ARHGAP25: variants seen among roughly 807,000 people sequenced by gnomAD.
ARHGAP25 encodes rho GTPase-activating protein 25.
In ARHGAP25, 34 loss-of-function variants were observed where a neutral mutation model predicts 71.0. The ratio of observed to expected loss-of-function variants is 0.48; its 90% CI spans 0.36 to 0.64. The LOEUF is 0.64. Ranked by LOEUF, ARHGAP25 falls within the 30% of genes least tolerant of loss-of-function variation. The pLI is 0.00. For synonymous variants in ARHGAP25, 282 were observed against 296.5 expected (o/e 0.95, Z 0.50); for missense variants, 706 against 805.1 (o/e 0.88, Z 1.49).
rs983617794 is a variant in ARHGAP25, at chr2:68,823,702, G to A, written c.1733+830G>A. 5.3e-5 allele frequency among the ~76,000 whole-genome samples: 8 copies of A among 152,148 alleles called. No individual in the cohort carries two copies. In the East Asian group the frequency reaches 7.7e-4, roughly 15 times the overall value. On this transcript the variant is annotated intron_variant, in intron 10 of 10. Transcript: ENST00000409202. ...CTGCAAAGCCTGAGTAAGAAGCTTCGGGGTGGTTTCAACCTGGTTTATGCT... is the reference window on the plus strand; with the variant it reads ...CTGCAAAGCCTGAGTAAGAAGCTTCAGGGTGGTTTCAACCTGGTTTATGCT...
In ARHGAP25 at chr2:68,826,062, G is replaced by GTCT. The variant is rs746684195; in HGVS notation, c.1810_1812dup (p.Ser604dup). ...AAGAACTGGAGAAGGAAAAGAAGAA[G>GTCT]TCTGCAGCCCTAGAGATCAGCCTCC... On this transcript the variant is annotated inframe_insertion, in exon 11 of 11. Coordinates refer to ENST00000409202, the MANE Select transcript of ARHGAP25 (RefSeq NM_001007231.3). The GTCT allele has an allele frequency of 1.3e-5, 21 of 1,614,004 alleles. No homozygotes were observed. The highest frequency in any genetic ancestry group is 1.8e-5 in the Non-Finnish European group (21 of 1,180,026).
At chr2:68,730,055 G>C (rs1469303067), upstream of ARHGAP25, among the ~76,000 whole-genome samples, 1 of 152,176 alleles carries the variant, frequency 6.6e-6, no homozygotes, top group African/African-American at 2.4e-5. Context: ...ATGATGTTTT[G>C]GAAAAATGCT....
Position 68,816,377 on chromosome 2 carries a change from G to A in ARHGAP25, c.881+15G>A, listed in dbSNP as rs1405799855. 3.1e-6 allele frequency: 5 copies of A among 1,600,892 alleles called. No homozygotes were observed. The highest frequency in any genetic ancestry group is 1.7e-5 in the Admixed American group (1 of 59,996). ...TACATCTGCAGGTGAGAGGCCCCTG[G>A]TATCAACTCTGCAGTTTTCAACCCC... On this transcript the variant is annotated intron_variant, in intron 7 of 10. Coordinates refer to ENST00000409202, the MANE Select transcript of ARHGAP25 (RefSeq NM_001007231.3).
At chr2:68,729,905 G>A (rs1038699458), upstream of ARHGAP25, among the ~76,000 whole-genome samples, 3 of 152,174 alleles carry the variant, frequency 2.0e-5, no homozygotes, top group African/African-American at 7.2e-5. Context: ...CCCCTGAGGG[G>A]GGAAAAGGAC....
chr2:68,739,312 A>G (rs1370906207), intron 1 of ARHGAP25, among the ~76,000 whole-genome samples: 6 of 152,230 alleles, frequency 3.9e-5, no homozygotes, highest in Non-Finnish European at 7.3e-5. Flanking sequence ...AAGATGCCCA[A>G]TGGCCCTGGC....
At chr2:68,721,688 T>C (rs1371666402) in intron 2 of ARHGAP25, among the ~76,000 whole-genome samples, 2 of 152,232 alleles carry the variant, frequency 1.3e-5, no homozygotes, top group African/African-American at 4.8e-5. Flanking sequence ...CTGCTGAGCA[T>C]CTCGTGATTT....
intron 1 of ARHGAP25, among the ~76,000 whole-genome samples, chr2:68,763,534 C>G (rs1032767103): frequency 6.6e-6 from 1 of 152,142 alleles, no homozygotes; most frequent in Admixed American, 6.5e-5. Flanking sequence ...TTCTTTATAA[C>G]TAACATTTAA....
chr2:68,790,642 C>A (rs1360989997), intron 4 of ARHGAP25, among the ~76,000 whole-genome samples: 3 of 152,172 alleles, frequency 2.0e-5, no homozygotes, highest in African/African-American at 4.8e-5. Flanking sequence ...GAGCCTGCCC[C>A]CTTCCCACCA....
chr2:68,807,556 A>G (rs1680465156), intron 5 of ARHGAP25, 76 bp downstream of exon 5: 1 of 1,445,924 alleles, frequency 6.9e-7, no homozygotes. Flanking sequence ...TCTCCATTCC[A>G]GTTGAGCTAT....
intron 1 of ARHGAP25, among the ~76,000 whole-genome samples, chr2:68,745,274 C>T (rs187293891): frequency 1.6e-4 from 25 of 152,232 alleles, no homozygotes; most frequent in Non-Finnish European, 2.9e-4. Context: ...AACCATGTCA[C>T]CTCCTACAAT....
At chr2:68,804,504 T>A (rs544620526) in intron 4 of ARHGAP25, among the ~76,000 whole-genome samples, 1 of 152,386 alleles carries the variant, frequency 6.6e-6, no homozygotes, top group South Asian at 2.1e-4. Context: ...AATAGAAACC[T>A]AATTCCATAT....
chr2:68,734,895 C>T lies in ARHGAP25; in HGVS notation c.-305C>T. ...CTTCCCATGACGCAGAGGGAAGTGT[C>T]AACTGGGATATTTCTGGTAAAACTG... On this transcript the variant is annotated 5_prime_UTR_variant, in exon 1 of 11. Coordinates refer to ENST00000409202, the MANE Select transcript of ARHGAP25 (RefSeq NM_001007231.3). 1 of 422,188 alleles carries T rather than the reference C, an allele frequency of 2.4e-6. No homozygotes were observed. The highest frequency in any genetic ancestry group is 4.1e-5 in the East Asian group (1 of 24,160). 26.2% of individuals were successfully genotyped at this position (422,188 alleles called of 1,614,324 possible).
At chr2:68,792,985 A>T (rs140631586) in intron 4 of ARHGAP25, among the ~76,000 whole-genome samples, 1,790 of 152,214 alleles carry the variant, frequency 0.012, 25 homozygotes, top group Middle Eastern at 0.024. Context: ...GTAAGGTGCG[A>T]TCTCATTGTG....
At chr2:68,752,221 A>G (rs925211911) in intron 1 of ARHGAP25, among the ~76,000 whole-genome samples, 2 of 152,220 alleles carry the variant, frequency 1.3e-5, no homozygotes, top group African/African-American at 4.8e-5. Context: ...AATAAGGAAA[A>G]CTTGTTAAAG....
chr2:68,737,644 G>T (rs1377249949), intron 1 of ARHGAP25, among the ~76,000 whole-genome samples: 2 of 152,182 alleles, frequency 1.3e-5, no homozygotes, highest in Non-Finnish European at 2.9e-5. Flanking sequence ...GGAATATAAG[G>T]TCATTTGGGA....
At chr2:68,717,118 GC>G (rs1193343318) in intron 2 of ARHGAP25, among the ~76,000 whole-genome samples, 1 of 152,140 alleles carries the variant, frequency 6.6e-6, no homozygotes, top group Non-Finnish European at 1.5e-5. Context: ...ACGGGCTATT[GC>G]TCCTAGACTA....
chr2:68,763,142 G>A (rs1472429798), intron 1 of ARHGAP25, among the ~76,000 whole-genome samples: 6 of 152,130 alleles, frequency 3.9e-5, no homozygotes, highest in African/African-American at 1.4e-4. Context: ...AATGATGTTG[G>A]CTTTTTTGTA....
At position 68,826,542 on chromosome 2, in the gene ARHGAP25, C is replaced by A. The variant is rs1682150062; in HGVS notation, c.*348C>A. On this transcript the variant is annotated 3_prime_UTR_variant, in exon 11 of 11. Transcript: ENST00000409202. ...AGGCTGGACTAAGGTGTGATTAATT[C>A]TTTGTTTTTTGTGTGGAACAGCTCA... The A allele has an allele frequency of 2.6e-6, 1 of 382,004 alleles. No individual in the cohort carries two copies. The highest frequency in any genetic ancestry group is 2.1e-5 in the South Asian group (1 of 47,316). 23.7% of individuals were successfully genotyped at this position (382,004 alleles called of 1,614,324 possible). A position where few individuals can be genotyped will look rare whatever the true frequency, so the allele number is the denominator to read the frequency against.
intron 4 of ARHGAP25, 52 bp from the exon 5 acceptor site, chr2:68,807,221 T>A: frequency 6.3e-7 from 1 of 1,587,700 alleles, no homozygotes; most frequent in Non-Finnish European, 8.6e-7. Flanking sequence ...AAGAAATAGT[T>A]CATCCAAGGA....
Sources: allele counts gnomAD v4.1 joint callset (sites outside exome capture counted in the v4.1 genomes callset), GRCh38; gene constraint gnomAD v4.1.1; transcripts MANE v1.5; gene names NCBI Gene and HGNC (gene_info 2026-07-23, HGNC 2026-07-21).